GBF1: variants seen among roughly 807,000 people sequenced by gnomAD.
GBF1 encodes golgi brefeldin A resistant guanine nucleotide exchange factor 1.
GBF1 carries 114 observed loss-of-function variants against 210.5 expected under a neutral mutation model. That is an observed-to-expected ratio of 0.54 (90% confidence interval 0.47 to 0.63). The LOEUF (loss-of-function observed/expected upper bound fraction) is 0.63, where lower values mean the gene tolerates loss of function less well. Ranked by LOEUF, GBF1 falls within the 30% of genes least tolerant of loss-of-function variation. The probability of loss-of-function intolerance (pLI) is 0.00; values close to 1 mark genes in which losing one functional copy is unlikely to be tolerated. For missense variants in GBF1, 1,851 were observed against 2,357.7 expected, an observed-to-expected ratio of 0.79 and a Z score of 4.45; for synonymous variants, 850 against 889.2, an observed-to-expected ratio of 0.96 and a Z score of 0.78.
At chr10:102,233,466 G>A in the GBF1 span, among the ~76,000 whole-genome samples, 1 of 151,828 alleles carries the variant, frequency 6.6e-6, no homozygotes, top group African/African-American at 2.4e-5. Flanking sequence ...CCCACGCCTG[G>A]CTAATTTTTG....
intron 3 of GBF1, among the ~76,000 whole-genome samples, chr10:102,298,547 G>C (rs903094530): frequency 2.0e-5 from 3 of 152,128 alleles, no homozygotes; most frequent in Non-Finnish European, 2.9e-5. Flanking sequence ...ATCTTTCAGA[G>C]ATTAATAAAT....
chr10:102,311,179 TAGTCAC>T (rs1241427324), intron 3 of GBF1, among the ~76,000 whole-genome samples: 1 of 152,224 alleles, frequency 6.6e-6, no homozygotes, highest in African/African-American at 2.4e-5. Flanking sequence ...TAAATACTCC[TAGTCAC>T]TCTGCATCAG....
rs1317705858 is a variant in GBF1 at position 102,362,514 on chromosome 10, C to G, written c.1726C>G (p.Leu576Val). Residue 576 changes from leucine to valine, a missense_variant, in exon 15 of 40, where the codon CTA becomes GTA. By Grantham distance (32) the Leu-to-Val change is conservative. Around this residue, in one of 3 missense-constraint regions of GBF1, gnomAD observed 804 missense variants for 958.6 expected, o/e 0.84. Transcript: ENST00000369983. ...PVSGQLYTTH[L>V]LSLDALLTVI... is the part of the protein sequence containing the mutation. ...GTCTGGTCAACTCTATACAACACAC[C>G]TACTATCTCTTGATGCCCTATTGAC... 6.2e-7 allele frequency: 1 copy of G among 1,613,808 alleles called. No individual in the cohort carries two copies. Among genetic ancestry groups the G allele is most frequent in the Non-Finnish European group, 8.5e-7 (1 of 1,179,784 alleles).
chr10:102,370,952 A>C (rs2060174288), intron 29 of GBF1, 92 bp downstream of exon 29: 9 of 1,225,946 alleles, frequency 7.3e-6, no homozygotes, highest in Non-Finnish European at 1.0e-5. Flanking sequence ...CAGAGAGTAC[A>C]TTTAGTGCCC....
At chr10:102,233,450 C>T in the GBF1 span, among the ~76,000 whole-genome samples, 2 of 151,678 alleles carry the variant, frequency 1.3e-5, no homozygotes, top group Admixed American at 1.3e-4. Flanking sequence ...ACTACAGGCA[C>T]GTGCCCCCAC....
chr10:102,275,682 G>A (rs1421622954), intron 3 of GBF1, among the ~76,000 whole-genome samples: 2 of 152,102 alleles, frequency 1.3e-5, no homozygotes, highest in African/African-American at 4.8e-5. Flanking sequence ...TTTCTGGGAT[G>A]AATCTATATC....
At chr10:102,270,195 A>T (rs2074266163) in intron 3 of GBF1, among the ~76,000 whole-genome samples, 1 of 144,484 alleles carries the variant, frequency 6.9e-6, no homozygotes, top group South Asian at 2.2e-4. Context: ...TTTGAGACGG[A>T]GTCTAGCTCC....
Position 102,344,115 on chromosome 10 carries a change from T to C in GBF1, c.228T>C (p.Asp76=). Residue 76 remains aspartate (D), a synonymous_variant, in exon 4 of 40, where the codon GAT becomes GAC. Transcript: ENST00000369983. ...TTCTGGAAGTGATTCGCTCTGAAGA[T>C]ACCACTGGCCCTATCACTGGACTGG... ...RPFLEVIRSE[D]TTGPITGLAL... is the part of the protein sequence containing the mutation. 6.2e-7 allele frequency: 1 copy of C among 1,611,990 alleles called. No individual in the cohort carries two copies. The highest frequency in any genetic ancestry group is 1.1e-5 in the South Asian group (1 of 91,032).
chr10:102,344,022 C>A, intron 3 of GBF1, 29 bp from the exon 4 acceptor site: 1 of 1,600,302 alleles, frequency 6.2e-7, no homozygotes, highest in Non-Finnish European at 8.6e-7. Flanking sequence ...TTAGATGATA[C>A]CTCTTCATTT....
intron 23 of GBF1, 70 bp downstream of exon 23, chr10:102,368,902 C>G (rs2060056529): frequency 1.9e-6 from 2 of 1,063,558 alleles, no homozygotes; most frequent in Admixed American, 3.5e-5. Flanking sequence ...TGGATCTACC[C>G]TTATCAACAG....
intron 3 of GBF1, among the ~76,000 whole-genome samples, chr10:102,266,474 C>T (rs2073885829): frequency 6.6e-6 from 1 of 152,122 alleles, no homozygotes; most frequent in South Asian, 2.1e-4. Flanking sequence ...GTCAGACTTC[C>T]TGCCCTCATA....
the GBF1 span, among the ~76,000 whole-genome samples, chr10:102,238,320 A>G: frequency 6.6e-6 from 1 of 152,186 alleles, no homozygotes; most frequent in Admixed American, 6.5e-5. Flanking sequence ...TTCAGTCACC[A>G]CAAGTCAGCT....
At chr10:102,234,537 A>T in the GBF1 span, among the ~76,000 whole-genome samples, 5 of 152,056 alleles carry the variant, frequency 3.3e-5, no homozygotes, top group African/African-American at 1.2e-4. Context: ...TGGAAGGGAG[A>T]TGTCCCTGAG....
chr10:102,268,628 C>T (rs983578944), intron 3 of GBF1, among the ~76,000 whole-genome samples: 1 of 152,068 alleles, frequency 6.6e-6, no homozygotes, highest in Non-Finnish European at 1.5e-5. Context: ...TCCCTTCCTG[C>T]TTTTCCACCC....
chr10:102,349,082 G>A (rs1226002595), intron 4 of GBF1, among the ~76,000 whole-genome samples: 3 of 152,092 alleles, frequency 2.0e-5, no homozygotes, highest in Non-Finnish European at 4.4e-5. Flanking sequence ...CCCAGAGGTC[G>A]AGGCAGCAGT....
intron 29 of GBF1, among the ~76,000 whole-genome samples, chr10:102,374,890 G>A (rs1750368048): frequency 6.6e-6 from 1 of 152,130 alleles, no homozygotes; most frequent in African/African-American, 2.4e-5. Flanking sequence ...TGTATTTGAG[G>A]CTGGGTGCAG....
In GBF1 at chr10:102,361,035, A is replaced by G. The variant is rs1284516849; in HGVS notation, c.1406A>G (p.Glu469Gly). ...CRHLFQLLSI[E>G]RLNLYAASLR... ...TCTCATCTCCAGCTACTCAGCATAG[A>G]GCGACTAAACCTTTATGCTGCTTCC... Residue 469 changes from glutamate (E) to glycine (G), a missense_variant, in exon 13 of 40, where the codon GAG becomes GGG. Physicochemically the swap from Glu to Gly is moderately conservative, Grantham distance 98 (BLOSUM62 -2). Transcript: ENST00000369983. 3 of 1,578,454 alleles carry G rather than the reference A, an allele frequency of 1.9e-6. No homozygotes were observed. The highest frequency in any genetic ancestry group is 2.2e-5 in the East Asian group (1 of 44,698).
chr10:102,293,902 C>T (rs1013379663), intron 3 of GBF1, among the ~76,000 whole-genome samples: 1 of 150,432 alleles, frequency 6.6e-6, no homozygotes, highest in African/African-American at 2.4e-5. Flanking sequence ...CTCAGCTTCC[C>T]GAGTAGCTGG....
At chr10:102,270,041 G>C (rs2074244653) in intron 3 of GBF1, among the ~76,000 whole-genome samples, 1 of 152,006 alleles carries the variant, frequency 6.6e-6, no homozygotes, top group South Asian at 2.1e-4. Context: ...ACCATGCCCG[G>C]CTAATTTTTT....
Sources: allele counts gnomAD v4.1 joint callset (sites outside exome capture counted in the v4.1 genomes callset), GRCh38; gene constraint gnomAD v4.1.1; regional missense constraint gnomAD v4.1.1; transcripts MANE v1.5; gene names NCBI Gene and HGNC (gene_info 2026-07-23, HGNC 2026-07-21).